Variants in SAMTOR observed in about 807,000 individuals in gnomAD.
SAMTOR encodes the protein S-adenosylmethionine sensor upstream of mTORC1.
At chr7:112,906,773 T>C in the SAMTOR span, among the ~76,000 whole-genome samples, 15 of 152,070 alleles carry the variant, frequency 9.9e-5, no homozygotes, top group African/African-American at 3.1e-4. Flanking sequence ...GGATTCACCA[T>C]GTTGGCCAGG....
At chr7:112,854,601 T>C in the SAMTOR span, among the ~76,000 whole-genome samples, 1 of 152,200 alleles carries the variant, frequency 6.6e-6, no homozygotes, top group African/African-American at 2.4e-5. Flanking sequence ...ATGTAGGAAA[T>C]GTATTCTCTT....
At chr7:112,867,607 T>A in the SAMTOR span, among the ~76,000 whole-genome samples, 1 of 152,202 alleles carries the variant, frequency 6.6e-6, no homozygotes, top group Non-Finnish European at 1.5e-5. Context: ...ACTATAGTAA[T>A]AGGATAGGAT....
At chr7:112,822,865 G>A in the SAMTOR span, among the ~76,000 whole-genome samples, 3 of 152,008 alleles carry the variant, frequency 2.0e-5, no homozygotes, top group Admixed American at 6.6e-5. Context: ...CTTTGAAACT[G>A]TTAACTTTAA....
chr7:112,909,100 T>C, the SAMTOR span, among the ~76,000 whole-genome samples: 1 of 152,186 alleles, frequency 6.6e-6, no homozygotes, highest in Non-Finnish European at 1.5e-5. Context: ...AGAAAAGACA[T>C]GAATATTAAT....
the SAMTOR span, among the ~76,000 whole-genome samples, chr7:112,852,761 T>C: frequency 6.6e-6 from 1 of 152,004 alleles, no homozygotes; most frequent in Non-Finnish European, 1.5e-5. Flanking sequence ...AAAATCTAAT[T>C]TGTCATGTTA....
At chr7:112,875,739 C>T in the SAMTOR span, among the ~76,000 whole-genome samples, 1 of 152,278 alleles carries the variant, frequency 6.6e-6, no homozygotes, top group East Asian at 1.9e-4. Context: ...TCAATGATGA[C>T]TTAATCATTA....
chr7:112,875,042 A>G, the SAMTOR span, among the ~76,000 whole-genome samples: 1 of 152,214 alleles, frequency 6.6e-6, no homozygotes, highest in Non-Finnish European at 1.5e-5. Flanking sequence ...CCGTGATCCA[A>G]TCCGATTGAG....
At chr7:112,917,425 A>G in the SAMTOR span, among the ~76,000 whole-genome samples, 1 of 152,218 alleles carries the variant, frequency 6.6e-6, no homozygotes, top group Non-Finnish European at 1.5e-5. Context: ...CAGAAAGGAC[A>G]TCCACACCAA....
the SAMTOR span, among the ~76,000 whole-genome samples, chr7:112,840,722 C>T: frequency 1.3e-5 from 2 of 151,490 alleles, no homozygotes; most frequent in African/African-American, 4.8e-5. Context: ...TTTCTATTTC[C>T]CGTAGAAATT....
chr7:112,921,017 T>C, the SAMTOR span, among the ~76,000 whole-genome samples: 4 of 152,240 alleles, frequency 2.6e-5, no homozygotes, highest in Admixed American at 1.3e-4. Context: ...AATGGCCATA[T>C]TGCCCAAGGT....
chr7:112,918,628 C>A, the SAMTOR span, among the ~76,000 whole-genome samples: 1 of 152,150 alleles, frequency 6.6e-6, no homozygotes, highest in African/African-American at 2.4e-5. Context: ...GGACTAAATG[C>A]TCCAATTAAA....
the SAMTOR span, among the ~76,000 whole-genome samples, chr7:112,864,446 T>G: frequency 1.3e-5 from 2 of 152,202 alleles, no homozygotes; most frequent in African/African-American, 4.8e-5. Flanking sequence ...TAAAGTTTAA[T>G]GATAGGATAC....
chr7:112,919,216 A>T, the SAMTOR span, among the ~76,000 whole-genome samples: 1 of 152,314 alleles, frequency 6.6e-6, no homozygotes, highest in South Asian at 2.1e-4. Flanking sequence ...CTCCTCAGCA[A>T]ATGTAAAAGA....
chr7:112,919,258 A>G, the SAMTOR span, among the ~76,000 whole-genome samples: 1 of 152,386 alleles, frequency 6.6e-6, no homozygotes, highest in South Asian at 2.1e-4. Context: ...CTCTCAGAGC[A>G]CAGTGCAATC....
chr7:112,889,471 G>T, the SAMTOR span, among the ~76,000 whole-genome samples: 1 of 152,160 alleles, frequency 6.6e-6, no homozygotes, highest in Non-Finnish European at 1.5e-5. Flanking sequence ...AATACAAGCT[G>T]CAAGAATAGT....
At chr7:112,926,905 T>C in the SAMTOR span, among the ~76,000 whole-genome samples, 1 of 152,092 alleles carries the variant, frequency 6.6e-6, no homozygotes, top group Non-Finnish European at 1.5e-5. Context: ...CTGACTACTG[T>C]GTATACATTT....
chr7:112,820,257 A>T, the SAMTOR span: 1 of 152,514 alleles, frequency 6.6e-6, no homozygotes, highest in Non-Finnish European at 1.5e-5. Context: ...AAAGTTTGAC[A>T]TTCAAAGGTA....
At chr7:112,932,796 A>ATT in the SAMTOR span, among the ~76,000 whole-genome samples, 1 of 152,332 alleles carries the variant, frequency 6.6e-6, no homozygotes, top group East Asian at 1.9e-4. Context: ...GTTTGTGATG[A>ATT]TTAATAAAAA....
chr7:112,900,434 C>T, the SAMTOR span, among the ~76,000 whole-genome samples: 1 of 152,210 alleles, frequency 6.6e-6, no homozygotes, highest in Non-Finnish European at 1.5e-5. Context: ...GGGCAATCTG[C>T]TTTACTCAGT....
Sources: gnomAD v4.1 joint callset for allele counts (sites outside exome capture counted in the v4.1 genomes callset) on GRCh38, gnomAD v4.1.1 for gene constraint, MANE v1.5 for transcripts, NCBI Gene and HGNC (gene_info 2026-07-23, HGNC 2026-07-21) for gene names.